Variants in MET observed in about 807,000 individuals in gnomAD.
MET encodes the protein MET proto-oncogene, receptor tyrosine kinase, also known as hepatocyte growth factor receptor.
A neutral mutation model predicts 133.1 loss-of-function variants in MET; 48 were observed. The observed-to-expected ratio is 0.36, with a 90% CI of 0.29 to 0.46. The LOEUF (loss-of-function observed/expected upper bound fraction) is 0.46. MET is among the 20% of genes least tolerant of loss of function. The pLI, the probability that MET is intolerant of heterozygous loss-of-function variation, is 1.00. For missense variants in MET, 1,442 were observed against 1,695.9 expected (o/e 0.85, Z 2.63); for synonymous variants, 628 against 616.5 (o/e 1.02, Z -0.28).
chr7:116,749,387 G>A (rs1793828965), intron 5 of MET, among the ~76,000 whole-genome samples: 1 of 152,102 alleles, frequency 6.6e-6, no homozygotes, highest in African/African-American at 2.4e-5. Flanking sequence ...ATGCAGAAAA[G>A]GCCTTCGATA....
intron 1 of MET, among the ~76,000 whole-genome samples, chr7:116,682,760 T>C (rs1334216052): frequency 6.6e-6 from 1 of 152,208 alleles, no homozygotes; most frequent in Non-Finnish European, 1.5e-5. Context: ...GCAAGTCTGT[T>C]TGCATGTCTC....
intron 4 of MET, among the ~76,000 whole-genome samples, chr7:116,740,583 A>G (rs1793406226): frequency 6.6e-6 from 1 of 152,214 alleles, no homozygotes; most frequent in Admixed American, 6.5e-5. Flanking sequence ...CAATGTCCCT[A>G]CTATGTAGAA....
intron 2 of MET, among the ~76,000 whole-genome samples, chr7:116,712,695 G>A (rs965079629): frequency 2.7e-5 from 4 of 147,950 alleles, no homozygotes; most frequent in East Asian, 4.1e-4. Flanking sequence ...TGCCCCTCCC[G>A]TCCCCCCCAC....
rs1185569741 is a variant in MET at position 116,686,398 on chromosome 7, C to A, written c.-14-12673C>A. The stretch of plus-strand genomic sequence containing the variant: ...ACCTTCCCAATTTCCGAGCTACAAA[C>A]CTATCCCCATACCTCTCCTCCAGGC... On this transcript the variant is annotated intron_variant, in intron 1 of 20. Coordinates refer to ENST00000397752, the MANE Select transcript of MET (RefSeq NM_000245.4). 3.9e-5 allele frequency among the ~76,000 whole-genome samples: 6 copies of A among 152,186 alleles called. No individual in the cohort carries two copies. The East Asian group carries it at 1.2e-3, about 29-fold the overall frequency.
chr7:116,679,371 A>T (rs1161649916), intron 1 of MET, among the ~76,000 whole-genome samples: 1 of 152,262 alleles, frequency 6.6e-6, no homozygotes, highest in Non-Finnish European at 1.5e-5. Context: ...TATGACATTT[A>T]TTGAAATTCA....
chr7:116,722,633 C>T (rs1176297406), intron 2 of MET, among the ~76,000 whole-genome samples: 1 of 149,474 alleles, frequency 6.7e-6, no homozygotes, highest in Non-Finnish European at 1.5e-5. Flanking sequence ...TTGTTCCTTT[C>T]CATGTTTAGC....
At chr7:116,754,467 G>T (rs997843036) in intron 5 of MET, among the ~76,000 whole-genome samples, 1 of 152,072 alleles carries the variant, frequency 6.6e-6, no homozygotes, top group African/African-American at 2.4e-5. Context: ...GTAAAAGTCT[G>T]GGCCCAACGT....
intron 5 of MET, 135 bp from the exon 6 acceptor site, chr7:116,755,220 A>C: frequency 1.8e-6 from 2 of 1,097,626 alleles, no homozygotes; most frequent in Non-Finnish European, 2.6e-6. Context: ...GTGAAAATTA[A>C]ATTTTTACTA....
At chr7:116,769,620 C>G in intron 11 of MET, 25 bp from the exon 12 acceptor site, 1 of 1,542,480 alleles carries the variant, frequency 6.5e-7, no homozygotes, top group South Asian at 1.1e-5. Context: ...GTGTTAACAA[C>G]CTTTTTTTTT....
rs183162565 is a variant in MET at position 116,737,646 on chromosome 7, C to T, written c.1393-2304C>T. Among the ~76,000 whole-genome samples the T allele has an allele frequency of 2.1e-4, 32 of 152,130 alleles. No homozygotes were observed. In the East Asian group the frequency reaches 6.0e-3, roughly 28 times the overall value. On this transcript the variant is annotated intron_variant, in intron 3 of 20. Coordinates refer to ENST00000397752, the MANE Select transcript of MET (RefSeq NM_000245.4). The stretch of plus-strand genomic sequence containing the variant: ...GTATTGTGAGGAGTAAATAAAATCT[C>T]CATTTAAAGCACTTGGCACAATATG...
intron 2 of MET, among the ~76,000 whole-genome samples, chr7:116,728,228 C>T (rs747464458): frequency 4.9e-4 from 75 of 152,208 alleles, no homozygotes; most frequent in Non-Finnish European, 9.3e-4. Flanking sequence ...AGCTCTAAAT[C>T]ACACAAGATC....
chr7:116,763,245 A>G lies in MET; in HGVS notation c.2560A>G (p.Asn854Asp). The G allele has an allele frequency of 6.2e-7, 1 of 1,613,912 alleles. No homozygotes were observed. The highest frequency in any genetic ancestry group is 1.3e-5 in the African/African-American group (1 of 75,050). Residue 854 changes from asparagine to aspartate, a missense_variant, in exon 11 of 21, where the codon AAT becomes GAT. Physicochemically the swap from Asn to Asp is conservative, Grantham distance 23. This residue lies in a region of MET where 514 missense variants were observed against 659.6 expected (regional missense o/e 0.78). Transcript: ENST00000397752. ...AAAGCCAGTGATGATCTCAATGGGC[A>G]ATGAAAATGTACTGGAAATTAAGGT... Reference protein sequence around the residue: ...FEKPVMISMGNENVLEIKGND... With the variant: ...FEKPVMISMGDENVLEIKGND...
chr7:116,745,302 A>C (rs1793624686), intron 5 of MET, among the ~76,000 whole-genome samples: 2 of 152,224 alleles, frequency 1.3e-5, no homozygotes, highest in African/African-American at 4.8e-5. Flanking sequence ...ATGGAAGAAT[A>C]TTCCATGCTC....
At chr7:116,759,728 T>A (rs1562923819) in intron 10 of MET, 1 of 503,788 alleles carries the variant, frequency 2.0e-6, no homozygotes, top group Non-Finnish European at 3.6e-6. Context: ...TAGACAAGAA[T>A]GAAGATTACC....
At chr7:116,761,674 A>G (rs1794401524) in intron 10 of MET, among the ~76,000 whole-genome samples, 1 of 152,098 alleles carries the variant, frequency 6.6e-6, no homozygotes, top group Admixed American at 6.5e-5. Context: ...CTTGTTATGT[A>G]AACAATTATT....
intron 1 of MET, among the ~76,000 whole-genome samples, chr7:116,682,080 A>G (rs1796380692): frequency 6.6e-6 from 1 of 152,192 alleles, no homozygotes; most frequent in Non-Finnish European, 1.5e-5. Context: ...GTTCATTGAA[A>G]TCTGTACGTC....
chr7:116,727,588 C>T (rs1004826950), intron 2 of MET, among the ~76,000 whole-genome samples: 1 of 152,176 alleles, frequency 6.6e-6, no homozygotes, highest in Non-Finnish European at 1.5e-5. Flanking sequence ...TTCTGCAGTT[C>T]CCCAAAGCAG....
intron 2 of MET, among the ~76,000 whole-genome samples, chr7:116,713,809 G>C (rs77100113): frequency 1.3e-5 from 2 of 152,114 alleles, no homozygotes; most frequent in African/African-American, 4.8e-5. Flanking sequence ...TTCATCCATC[G>C]TTCATCTCTC....
chr7:116,723,661 G>A (rs1491004001), intron 2 of MET, among the ~76,000 whole-genome samples: 1 of 152,072 alleles, frequency 6.6e-6, no homozygotes, highest in African/African-American at 2.4e-5. Flanking sequence ...ATGGGTTTTT[G>A]GTGTGGATGT....
Sources: allele counts gnomAD v4.1 joint callset (sites outside exome capture counted in the v4.1 genomes callset), GRCh38; gene constraint gnomAD v4.1.1; regional missense constraint gnomAD v4.1.1; transcripts MANE v1.5; gene names NCBI Gene and HGNC (gene_info 2026-07-23, HGNC 2026-07-21).